QKI: variants seen among roughly 807,000 people sequenced by gnomAD.
QKI encodes QKI, KH domain containing RNA binding.
Under a neutral mutation model 39.0 loss-of-function variants are expected in QKI, and 10 were observed. That is an observed-to-expected ratio of 0.26 (90% CI 0.16 to 0.43). QKI has a LOEUF of 0.43. Among genes scored for constraint, QKI ranks in the 20% least tolerant of loss-of-function variants. The probability of loss-of-function intolerance (pLI) is 1.00; values close to 1 mark genes in which losing one functional copy is unlikely to be tolerated. For missense variants in QKI, 218 were observed against 428.0 expected, an observed-to-expected ratio of 0.51 and a Z score of 4.33; for synonymous variants, 204 against 155.4, an observed-to-expected ratio of 1.31 and a Z score of -2.33.
intron 7 of QKI, chr6:163,569,070 ATG>A (rs1738860721): frequency 1.0e-6 from 1 of 955,020 alleles, no homozygotes. Flanking sequence ...AATCAAAACT[ATG>A]AGTAACATCA....
intron 3 of QKI, among the ~76,000 whole-genome samples, chr6:163,509,717 A>AT (rs1304758567): frequency 6.6e-6 from 1 of 152,156 alleles, no homozygotes; most frequent in Non-Finnish European, 1.5e-5. Context: ...GAATTATAAA[A>AT]TATATTGAAA....
intron 2 of QKI, among the ~76,000 whole-genome samples, chr6:163,471,871 A>C (rs928964742): frequency 6.6e-6 from 1 of 152,308 alleles, no homozygotes; most frequent in African/African-American, 2.4e-5. Context: ...GTTTAAAATA[A>C]GGATAACAAA....
intron 3 of QKI, among the ~76,000 whole-genome samples, chr6:163,504,033 A>AC (rs1247690099): frequency 2.0e-5 from 3 of 151,462 alleles, no homozygotes; most frequent in Non-Finnish European, 2.9e-5. Flanking sequence ...GTGAGCCCCC[A>AC]CCCCCAGCGG....
intron 1 of QKI, among the ~76,000 whole-genome samples, chr6:163,443,155 A>G (rs559393881): frequency 6.6e-6 from 1 of 152,378 alleles, no homozygotes; most frequent in East Asian, 1.9e-4. Context: ...GGCACTGTGT[A>G]ATATGTTGGT....
intron 6 of QKI, chr6:163,565,685 T>C: frequency 8.8e-7 from 1 of 1,132,462 alleles, no homozygotes; most frequent in Non-Finnish European, 1.1e-6. Flanking sequence ...TTTCATTTCT[T>C]GCTTTGCCAC....
intron 1 of QKI, among the ~76,000 whole-genome samples, chr6:163,453,514 C>G: frequency 6.6e-6 from 1 of 151,986 alleles, no homozygotes; most frequent in South Asian, 2.1e-4. Flanking sequence ...TAATTACTTG[C>G]TGTAATTATG....
At chr6:163,472,755 T>C (rs575530825) in intron 2 of QKI, among the ~76,000 whole-genome samples, 1 of 152,262 alleles carries the variant, frequency 6.6e-6, no homozygotes, top group South Asian at 2.1e-4. Flanking sequence ...GAGCATAATA[T>C]ATTTAAATAT....
chr6:163,573,410 G>A lies in QKI; in HGVS notation c.*2700G>A, dbSNP rs1267875101. On this transcript the variant is annotated 3_prime_UTR_variant, in exon 8 of 8. Coordinates refer to ENST00000361752, the MANE Select transcript of QKI (RefSeq NM_006775.3). The stretch of plus-strand genomic sequence containing the variant: ...CTTTATTATCTTAGTTTCATGCTAT[G>A]TATGTACCATAACCAACCTATTGCC... 6.6e-6 allele frequency: 1 copy of A among 152,080 alleles called. No individual in the cohort carries two copies. The highest frequency in any genetic ancestry group is 2.1e-4 in the South Asian group (1 of 4,832). 9.4% of individuals were successfully genotyped at this position (152,080 alleles called of 1,614,324 possible).
intron 3 of QKI, among the ~76,000 whole-genome samples, chr6:163,484,960 C>T (rs1263416169): frequency 6.6e-6 from 1 of 152,086 alleles, no homozygotes; most frequent in African/African-American, 2.4e-5. Context: ...TGGAAAAATG[C>T]AGTATATGTG....
At chr6:163,478,936 C>T (rs1792841568) in intron 3 of QKI, 40 bp downstream of exon 3, 1 of 1,401,022 alleles carries the variant, frequency 7.1e-7, no homozygotes, top group South Asian at 1.2e-5. Context: ...ATGTGAGTAA[C>T]TTACTATACT....
At chr6:163,565,488 A>G (rs534506107) in intron 6 of QKI, 1 of 987,586 alleles carries the variant, frequency 1.0e-6, no homozygotes, top group African/African-American at 1.7e-5. Flanking sequence ...TAGAAATAGC[A>G]AGAGGCACTG....
chr6:163,474,393 T>A (rs1234977), intron 2 of QKI, among the ~76,000 whole-genome samples: 1 of 151,968 alleles, frequency 6.6e-6, no homozygotes, highest in Admixed American at 6.6e-5. Flanking sequence ...TATTTCCAGG[T>A]GATGTGATTG....
intron 1 of QKI, among the ~76,000 whole-genome samples, chr6:163,439,433 C>T (rs1013788831): frequency 5.3e-5 from 8 of 150,404 alleles, no homozygotes; most frequent in East Asian, 1.9e-4. Flanking sequence ...ATGCACCCTC[C>T]GCCTCCTGGT....
At chr6:163,536,933 G>A (rs1018882206) in intron 4 of QKI, among the ~76,000 whole-genome samples, 1 of 152,164 alleles carries the variant, frequency 6.6e-6, no homozygotes, top group Admixed American at 6.5e-5. Context: ...ACATGGCCAA[G>A]CATGGTGACT....
At chr6:163,527,255 G>T (rs1452411750) in intron 3 of QKI, among the ~76,000 whole-genome samples, 1 of 152,150 alleles carries the variant, frequency 6.6e-6, no homozygotes, top group Non-Finnish European at 1.5e-5. Context: ...GAATTAAATT[G>T]TGTGAAATCT....
intron 4 of QKI, among the ~76,000 whole-genome samples, chr6:163,548,514 C>A (rs1289456161): frequency 6.6e-6 from 1 of 152,160 alleles, no homozygotes. Context: ...CTACCCAAAA[C>A]TATTAAATTT....
chr6:163,499,082 G>A (rs1417673168), intron 3 of QKI, among the ~76,000 whole-genome samples: 3 of 152,144 alleles, frequency 2.0e-5, no homozygotes, highest in Non-Finnish European at 2.9e-5. Flanking sequence ...CAGGTATGCA[G>A]TTCTACACTG....
chr6:163,433,180 A>T (rs1788971869), intron 1 of QKI, among the ~76,000 whole-genome samples: 1 of 152,110 alleles, frequency 6.6e-6, no homozygotes, highest in African/African-American at 2.4e-5. Context: ...TGAATGGCAT[A>T]GGATATATCA....
At chr6:163,565,022 CTG>C in intron 6 of QKI, 1 of 1,201,180 alleles carries the variant, frequency 8.3e-7, no homozygotes, top group Non-Finnish European at 1.0e-6. Flanking sequence ...TGTATGTTAT[CTG>C]TGTGTGTGCA....
Sources: gnomAD v4.1 joint callset for allele counts (sites outside exome capture counted in the v4.1 genomes callset) on GRCh38, gnomAD v4.1.1 for gene constraint, MANE v1.5 for transcripts, NCBI Gene and HGNC (gene_info 2026-07-23, HGNC 2026-07-21) for gene names.